PDE5A: variants seen among roughly 807,000 people sequenced by gnomAD.
PDE5A encodes cGMP-specific 3',5'-cyclic phosphodiesterase.
A neutral mutation model predicts 110.2 loss-of-function variants in PDE5A; 67 were observed. That is an observed-to-expected ratio of 0.61 (90% confidence interval 0.50 to 0.75). The LOEUF is 0.75. Ranked by LOEUF, PDE5A falls within the 30% of genes least tolerant of loss-of-function variation. PDE5A has a pLI of 0.00. For missense variants in PDE5A, 862 were observed against 1,045.1 expected (o/e 0.82, Z 2.42); for synonymous variants, 328 against 351.2 (o/e 0.93, Z 0.74).
intron 14 of PDE5A, among the ~76,000 whole-genome samples, chr4:119,515,496 C>A (rs1725879119): frequency 6.6e-6 from 1 of 152,156 alleles, no homozygotes; most frequent in Non-Finnish European, 1.5e-5. Context: ...TTCGTTCGAT[C>A]ATTTTACCAC....
chr4:119,500,258 C>T (rs1175891169), intron 20 of PDE5A: 1 of 142,210 alleles, frequency 7.0e-6, no homozygotes, highest in Non-Finnish European at 1.5e-5. Flanking sequence ...GCACATGACA[C>T]CTAGTTTTTT....
intron 11 of PDE5A, chr4:119,538,665 C>T: frequency 3.2e-6 from 1 of 310,142 alleles, no homozygotes; most frequent in Non-Finnish European, 6.2e-6. Context: ...CAAACAACCA[C>T]CTCATGGTCC....
At chr4:119,506,436 G>A (rs980790728) in intron 16 of PDE5A, among the ~76,000 whole-genome samples, 1 of 151,764 alleles carries the variant, frequency 6.6e-6, no homozygotes, top group East Asian at 1.9e-4. Flanking sequence ...TTGGTGTACA[G>A]TGAATACCTC....
intron 3 of PDE5A, among the ~76,000 whole-genome samples, chr4:119,590,520 A>T (rs1728928888): frequency 6.6e-6 from 1 of 152,104 alleles, no homozygotes; most frequent in African/African-American, 2.4e-5. Context: ...CATTAACTCC[A>T]TTCTCTAGAA....
intron 2 of PDE5A, among the ~76,000 whole-genome samples, chr4:119,605,287 C>A (rs1729487771): frequency 6.6e-6 from 1 of 152,156 alleles, no homozygotes; most frequent in African/African-American, 2.4e-5. Flanking sequence ...TCACCATGCA[C>A]AAATCTCAAT....
intron 14 of PDE5A, among the ~76,000 whole-genome samples, chr4:119,516,607 G>T (rs553834319): frequency 1.3e-5 from 2 of 151,778 alleles, no homozygotes; most frequent in African/African-American, 4.8e-5. Flanking sequence ...TAAGAATTCA[G>T]TATCTATCTG....
chr4:119,542,378 C>T, intron 10 of PDE5A, 81 bp downstream of exon 10: 2 of 1,307,728 alleles, frequency 1.5e-6, no homozygotes, highest in African/African-American at 1.5e-5. Flanking sequence ...GGAACACACA[C>T]ACACCATGAG....
intron 11 of PDE5A, among the ~76,000 whole-genome samples, chr4:119,532,823 G>A (rs1007110121): frequency 1.3e-5 from 2 of 152,036 alleles, no homozygotes; most frequent in Admixed American, 6.6e-5. Flanking sequence ...ACATGGCTAC[G>A]CAATTTGCTC....
intron 20 of PDE5A, chr4:119,500,362 C>G (rs1725259158): frequency 6.6e-6 from 1 of 150,688 alleles, no homozygotes; most frequent in African/African-American, 2.4e-5. Context: ...GGCGAGAATC[C>G]TGGAGTAGGA....
intron 9 of PDE5A, among the ~76,000 whole-genome samples, chr4:119,547,324 TTC>T (rs1475157222): frequency 2.0e-5 from 3 of 151,860 alleles, no homozygotes; most frequent in African/African-American, 7.2e-5. Flanking sequence ...CTATTTGTGT[TTC>T]TCTCTTAATA....
intron 4 of PDE5A, among the ~76,000 whole-genome samples, 162 bp downstream of exon 4, chr4:119,566,911 G>A (rs538289750): frequency 7.9e-5 from 12 of 152,230 alleles, no homozygotes; most frequent in African/African-American, 1.2e-4. Context: ...TGAAATCATC[G>A]CTTTATTTAG....
intron 3 of PDE5A, among the ~76,000 whole-genome samples, chr4:119,594,109 G>A (rs777612976): frequency 6.6e-5 from 10 of 151,870 alleles, no homozygotes; most frequent in Non-Finnish European, 1.5e-4. Context: ...GTCAGTACGC[G>A]AATTATATCT....
At chr4:119,552,673 G>A in intron 8 of PDE5A, 36 bp from the exon 9 acceptor site, 1 of 1,142,916 alleles carries the variant, frequency 8.7e-7, no homozygotes, top group Non-Finnish European at 1.2e-6. Flanking sequence ...CAGCTAAAAT[G>A]GTAAAGAGAT....
At chr4:119,620,557 G>T (rs561532791) in intron 1 of PDE5A, among the ~76,000 whole-genome samples, 2 of 152,254 alleles carry the variant, frequency 1.3e-5, no homozygotes, top group South Asian at 4.2e-4. Context: ...GTTTAGATAT[G>T]GGAGAGACTG....
Position 119,562,901 on chromosome 4 carries a change from C to A in PDE5A, c.1063G>T (p.Ala355Ser). The change falls in exon 6 of 21, where the codon GCT becomes TCT. Residue 355 changes from alanine to serine, a missense_variant. Coordinates refer to ENST00000354960, the MANE Select transcript of PDE5A (RefSeq NM_001083.4). ...QSLEVILKKI[A>S]ATIISFMQVQ... is the part of the protein sequence containing the mutation. Reference sequence around the variant, plus strand: ...TGCATGAAAGAGATAATAGTGGCAGCTATTTTCTTCAAAATTACTTCTAAT... The same window carrying A: ...TGCATGAAAGAGATAATAGTGGCAGATATTTTCTTCAAAATTACTTCTAAT... 1.2e-6 allele frequency: 2 copies of A among 1,601,792 alleles called. No individual in the cohort carries two copies. The highest frequency in any genetic ancestry group is 1.3e-5 in the African/African-American group (1 of 74,128).
At chr4:119,519,187 G>C in intron 13 of PDE5A, 48 bp from the exon 14 acceptor site, 4 of 1,341,180 alleles carry the variant, frequency 3.0e-6, no homozygotes, top group Non-Finnish European at 4.3e-6. Flanking sequence ...ATATAATGTG[G>C]TGAAGGACAT....
At chr4:119,605,583 G>T (rs1049805888) in intron 2 of PDE5A, among the ~76,000 whole-genome samples, 3 of 151,940 alleles carry the variant, frequency 2.0e-5, no homozygotes, top group Non-Finnish European at 2.9e-5. Context: ...GGAGGCAAAG[G>T]TTGCAGTGAG....
At chr4:119,608,821 G>A (rs547710806) in intron 1 of PDE5A, among the ~76,000 whole-genome samples, 2 of 152,322 alleles carry the variant, frequency 1.3e-5, no homozygotes, top group African/African-American at 4.8e-5. Context: ...TTTGGAGATA[G>A]TATAGGGATG....
chr4:119,603,584 T>C (rs1239597906), intron 2 of PDE5A, among the ~76,000 whole-genome samples: 1 of 150,826 alleles, frequency 6.6e-6, no homozygotes, highest in African/African-American at 2.4e-5. Flanking sequence ...ATTTTGAATA[T>C]ACGAATATGT....
Sources: gnomAD v4.1 joint callset for allele counts (sites outside exome capture counted in the v4.1 genomes callset) on GRCh38, gnomAD v4.1.1 for gene constraint, MANE v1.5 for transcripts, NCBI Gene and HGNC (gene_info 2026-07-23, HGNC 2026-07-21) for gene names.